TCERG1L: variants seen among roughly 807,000 people sequenced by gnomAD.
TCERG1L encodes transcription elongation regulator 1 like.
In TCERG1L, 37 loss-of-function variants were observed where a neutral mutation model predicts 56.3. The ratio of observed to expected loss-of-function variants is 0.66; its 90% CI spans 0.51 to 0.87. TCERG1L has a LOEUF of 0.87. TCERG1L is among the 40% of genes least tolerant of loss of function. The probability of loss-of-function intolerance (pLI) is 0.00; values close to 1 mark genes in which losing one functional copy is unlikely to be tolerated. For synonymous variants in TCERG1L, 324 were observed against 326.3 expected, an observed-to-expected ratio of 0.99 and a Z score of 0.08; for missense variants, 799 against 774.2, an observed-to-expected ratio of 1.03 and a Z score of -0.38.
chr10:131,130,064 C>T (rs1845601280), intron 8 of TCERG1L, among the ~76,000 whole-genome samples: 1 of 147,036 alleles, frequency 6.8e-6, no homozygotes, highest in South Asian at 2.2e-4. Context: ...CTGATAAAGA[C>T]ATATCCGAGA....
At chr10:131,257,134 G>A (rs1236662460) in intron 4 of TCERG1L, among the ~76,000 whole-genome samples, 1 of 152,196 alleles carries the variant, frequency 6.6e-6, no homozygotes, top group Non-Finnish European at 1.5e-5. Context: ...ACGCTCAGAA[G>A]GGAGCGCTGT....
At chr10:131,309,372 G>A (rs1846853747) in intron 1 of TCERG1L, 73 bp from the exon 2 acceptor site, 2 of 1,519,636 alleles carry the variant, frequency 1.3e-6, no homozygotes, top group Non-Finnish European at 1.8e-6. Flanking sequence ...AAAACATGCT[G>A]GAATAACTGC....
chr10:131,231,717 C>T (rs1043757557), intron 4 of TCERG1L, among the ~76,000 whole-genome samples: 1 of 152,112 alleles, frequency 6.6e-6, no homozygotes, highest in Non-Finnish European at 1.5e-5. Context: ...GAGGCCGGCA[C>T]GTGGGGGGAA....
chr10:131,216,198 A>C (rs1322206755), intron 4 of TCERG1L, among the ~76,000 whole-genome samples: 1 of 152,202 alleles, frequency 6.6e-6, no homozygotes, highest in African/African-American at 2.4e-5. Context: ...AGATGGAGAA[A>C]TAGAAAAATC....
chr10:131,215,953 A>T (rs966737519), intron 4 of TCERG1L, among the ~76,000 whole-genome samples: 8 of 152,096 alleles, frequency 5.3e-5, no homozygotes, highest in African/African-American at 1.4e-4. Flanking sequence ...TCACCCACGA[A>T]CGCGCACTGT....
chr10:131,143,767 G>A (rs1444291594), intron 7 of TCERG1L, among the ~76,000 whole-genome samples: 1 of 152,152 alleles, frequency 6.6e-6, no homozygotes, highest in African/African-American at 2.4e-5. Context: ...GGATGGGGCT[G>A]GGGGTGAAGC....
intron 4 of TCERG1L, among the ~76,000 whole-genome samples, chr10:131,179,125 G>A (rs904582202): frequency 6.6e-6 from 1 of 152,278 alleles, no homozygotes; most frequent in African/African-American, 2.4e-5. Context: ...CTCTCTCCAC[G>A]GGCTGCAGAT....
intron 4 of TCERG1L, among the ~76,000 whole-genome samples, chr10:131,189,159 A>G (rs773212966): frequency 6.6e-6 from 1 of 152,236 alleles, no homozygotes; most frequent in Non-Finnish European, 1.5e-5. Context: ...AAGTCTGCTT[A>G]GATTTGCCAT....
At chr10:131,256,358 T>C (rs1311458413) in intron 4 of TCERG1L, among the ~76,000 whole-genome samples, 1 of 152,136 alleles carries the variant, frequency 6.6e-6, no homozygotes, top group African/African-American at 2.4e-5. Flanking sequence ...AAATAGTCAC[T>C]TCCCAGCTGT....
intron 4 of TCERG1L, among the ~76,000 whole-genome samples, chr10:131,205,019 C>G (rs1413307429): frequency 2.0e-5 from 3 of 152,142 alleles, no homozygotes; most frequent in African/African-American, 7.2e-5. Flanking sequence ...CCCCTGCCAC[C>G]CGGCTCTTTC....
intron 4 of TCERG1L, among the ~76,000 whole-genome samples, chr10:131,223,591 T>C (rs2918161): frequency 0.51 from 77,754 of 151,842 alleles, 20,648 homozygotes; most frequent in African/African-American, 0.65. Context: ...AGCACATGTG[T>C]GCACACTCAC....
chr10:131,280,061 C>G (rs1044372952), intron 3 of TCERG1L, among the ~76,000 whole-genome samples: 2 of 152,170 alleles, frequency 1.3e-5, no homozygotes, highest in Non-Finnish European at 1.5e-5. Context: ...TGCATGGCTG[C>G]GACACAGCCT....
At chr10:131,141,011 G>T (rs944445580) in intron 7 of TCERG1L, among the ~76,000 whole-genome samples, 4 of 152,176 alleles carry the variant, frequency 2.6e-5, no homozygotes, top group African/African-American at 9.7e-5. Context: ...AGAGAAATTT[G>T]ATGGGTGTGG....
In TCERG1L at chr10:131,267,026, T is replaced by A. The variant is rs1428050814; in HGVS notation, c.671-6582A>T. On this transcript the variant is annotated intron_variant, in intron 3 of 11. Coordinates refer to ENST00000368642, the MANE Select transcript of TCERG1L (RefSeq NM_174937.4). The surrounding 1 kb of genome is among the most constrained non-coding windows in gnomAD (Gnocchi z 4.9). ...AGGACTGGCAACCGGCCCCCAGCCT[T>A]CAGGTCCTCCCTGGCCTGAAGGTGC... Among the ~76,000 whole-genome samples, 2 of 151,990 alleles carry A rather than the reference T, an allele frequency of 1.3e-5. No individual in the cohort carries two copies. The highest frequency in any genetic ancestry group is 2.4e-5 in the African/African-American group (1 of 41,396).
chr10:131,158,515 C>G (rs1845945885), intron 6 of TCERG1L, among the ~76,000 whole-genome samples: 1 of 152,220 alleles, frequency 6.6e-6, no homozygotes. Context: ...TTCCAGAACT[C>G]CTTACATCCT....
chr10:131,252,537 C>T (rs1846123382), intron 4 of TCERG1L, among the ~76,000 whole-genome samples: 1 of 152,066 alleles, frequency 6.6e-6, no homozygotes, highest in Non-Finnish European at 1.5e-5. Context: ...CCCTAGGGCA[C>T]GGATTTCATT....
At chr10:131,290,837 C>T (rs1846609314) in intron 3 of TCERG1L, among the ~76,000 whole-genome samples, 1 of 152,090 alleles carries the variant, frequency 6.6e-6, no homozygotes, top group Non-Finnish European at 1.5e-5. Flanking sequence ...TCGCGCACTA[C>T]CACGGTTCAT....
At chr10:131,100,437 C>T (rs1407816823) in intron 10 of TCERG1L, among the ~76,000 whole-genome samples, 4 of 152,300 alleles carry the variant, frequency 2.6e-5, no homozygotes, top group Middle Eastern at 3.4e-3. Flanking sequence ...TCTCCCTTTG[C>T]TCTGTTACTT....
At chr10:131,268,861 A>G (rs1177252666) in intron 3 of TCERG1L, among the ~76,000 whole-genome samples, 1 of 152,220 alleles carries the variant, frequency 6.6e-6, no homozygotes, top group African/African-American at 2.4e-5. Context: ...GCTTAATGGA[A>G]TGTTGTGCCT....
Sources: gnomAD v4.1 joint callset for allele counts (sites outside exome capture counted in the v4.1 genomes callset) on GRCh38, gnomAD v4.1.1 for gene constraint, Gnocchi (gnomAD v3.1) non-coding constraint, MANE v1.5 for transcripts, NCBI Gene and HGNC (gene_info 2026-07-23, HGNC 2026-07-21) for gene names.